The following CYP2E1 variants were observed in gnomAD, a reference collection of about 807,000 sequenced individuals.
CYP2E1 encodes cytochrome P450 family 2 subfamily E member 1.
In CYP2E1, 31 loss-of-function variants were observed where a neutral mutation model predicts 42.9. That is an observed-to-expected ratio of 0.72 (90% CI 0.54 to 0.98). The LOEUF is 0.98. CYP2E1 is among the 50% of genes least tolerant of loss of function. The probability of loss-of-function intolerance (pLI) is 0.00; values close to 1 mark genes in which losing one functional copy is unlikely to be tolerated. For synonymous variants in CYP2E1, 244 were observed against 248.9 expected (o/e 0.98, Z 0.19); for missense variants, 565 against 633.2 (o/e 0.89, Z 1.16).
At chr10:133,531,994 CTA>C in intron 3 of CYP2E1, 128 bp from the exon 4 acceptor site, 1 of 905,180 alleles carries the variant, frequency 1.1e-6, no homozygotes, top group Non-Finnish European at 1.7e-6. Context: ...CAGACATTCA[CTA>C]TCTTTCGTAA....
Position 133,538,356 on chromosome 10 carries a change from G to T in CYP2E1, c.1298-424G>T, listed in dbSNP as rs529298091. ...TTGAGGCACTTGTCCTCCTTCCCAG[G>T]GCCTCATCTTAGGGATTGTTGTGGG... On this transcript the variant is annotated intron_variant, in intron 8 of 8. Transcript: ENST00000252945. Among the ~76,000 whole-genome samples, 5 of 152,140 alleles carry T rather than the reference G, an allele frequency of 3.3e-5. No individual in the cohort carries two copies. In the South Asian group the frequency reaches 1.0e-3, roughly 32 times the overall value.
rs918509119 is a variant in CYP2E1, at chr10:133,527,632, G to T, written c.177+60G>T. The T allele has an allele frequency of 2.3e-5, 31 of 1,360,304 alleles. No homozygotes were observed. In the African/African-American group the frequency reaches 4.0e-4, roughly 18 times the overall value. 84.3% of individuals were successfully genotyped at this position (1,360,304 alleles called of 1,614,324 possible). ...CTCAGCAATTGGATCTGGTATGTGTGTATTCAACTCATTTGCAGACAAATT... is the reference window on the plus strand; with the variant it reads ...CTCAGCAATTGGATCTGGTATGTGTTTATTCAACTCATTTGCAGACAAATT... On this transcript the variant is annotated intron_variant, in intron 1 of 8. Coordinates refer to ENST00000252945, the MANE Select transcript of CYP2E1 (RefSeq NM_000773.4).
chr10:133,532,752 A>C lies in CYP2E1; in HGVS notation c.709A>C (p.Lys237Gln). Residue 237 changes from lysine (K) to glutamine (Q), a missense_variant, in exon 5 of 9, where the codon AAA (lysine) becomes CAA (glutamine). Physicochemically the swap from Lys to Gln is moderately conservative, Grantham distance 53. Coordinates refer to ENST00000252945, the MANE Select transcript of CYP2E1 (RefSeq NM_000773.4). ...GCCTGGAAGCCACAGAAAAGTCATAAAAAATGTGGCTGAAGTAAAAGAGTA... is the reference window on the plus strand; with the variant it reads ...GCCTGGAAGCCACAGAAAAGTCATACAAAATGTGGCTGAAGTAAAAGAGTA... ...YLPGSHRKVIKNVAEVKEYVS... is the reference protein window; with the variant it reads ...YLPGSHRKVIQNVAEVKEYVS... The C allele has an allele frequency of 3.7e-6, 6 of 1,613,494 alleles. No individual in the cohort carries two copies. In the South Asian group the frequency reaches 5.5e-5, roughly 15 times the overall value.
chr10:133,528,670 G>A, intron 2 of CYP2E1, 30 bp downstream of exon 2: 1 of 1,611,730 alleles, frequency 6.2e-7, no homozygotes, highest in Non-Finnish European at 8.5e-7. Context: ...ACGGAGCGGG[G>A]GGTGCATAAC....
In CYP2E1 at chr10:133,532,607, C is replaced by T. The variant is rs1320756258; in HGVS notation, c.649-85C>T. ...TAAACAATGATTACAGCCACAAATTCAGGTTTGGAGAAAGTTGTTGGTCCA... is the reference window on the plus strand; with the variant it reads ...TAAACAATGATTACAGCCACAAATTTAGGTTTGGAGAAAGTTGTTGGTCCA... On this transcript the variant is annotated intron_variant, in intron 4 of 8. Coordinates refer to ENST00000252945, the MANE Select transcript of CYP2E1 (RefSeq NM_000773.4). 3 of 1,214,242 alleles carry T rather than the reference C, an allele frequency of 2.5e-6. No homozygotes were observed. The African/African-American group carries it at 4.6e-5, about 18-fold the overall frequency. The allele number at this position is 1,214,242 out of a possible 1,614,324, so 75.2% of individuals were successfully genotyped here.
intron 1 of CYP2E1, 32 bp from the exon 2 acceptor site, chr10:133,528,449 C>G: frequency 6.2e-7 from 1 of 1,607,808 alleles, no homozygotes; most frequent in South Asian, 1.1e-5. Flanking sequence ...CGCCGCGCGG[C>G]GGGCCTGACT....
chr10:133,532,238 A>T lies in CYP2E1; in HGVS notation c.602A>T (p.Tyr201Phe). The change falls in exon 4 of 9, where the codon TAT (tyrosine) becomes TTT (phenylalanine). Residue 201 changes from tyrosine (Y) to phenylalanine (F), a missense_variant. Physicochemically the swap from Tyr to Phe is conservative, Grantham distance 22. Coordinates refer to ENST00000252945, the MANE Select transcript of CYP2E1 (RefSeq NM_000773.4). ...YNDEKFLRLM[Y>F]LFNENFHLLS... ...GATGAGAAGTTTCTAAGGCTGATGTATTTGTTTAATGAGAACTTCCACCTA... is the reference window on the plus strand; with the variant it reads ...GATGAGAAGTTTCTAAGGCTGATGTTTTTGTTTAATGAGAACTTCCACCTA... 1 of 1,613,924 alleles carries T rather than the reference A, an allele frequency of 6.2e-7. No homozygotes were observed. The highest frequency in any genetic ancestry group is 1.1e-5 in the South Asian group (1 of 91,068).
intron 6 of CYP2E1, among the ~76,000 whole-genome samples, chr10:133,534,769 T>C (rs1851377798): frequency 6.6e-6 from 1 of 152,182 alleles, no homozygotes; most frequent in African/African-American, 2.4e-5. Flanking sequence ...TTATAGGCTA[T>C]GAAGTTATTT....
intron 7 of CYP2E1, 28 bp downstream of exon 7, chr10:133,537,278 C>A: frequency 5.6e-6 from 9 of 1,602,426 alleles, no homozygotes; most frequent in Non-Finnish European, 7.7e-6. Context: ...CAGCACACAG[C>A]ATGAACACCA....
At position 133,537,133 on chromosome 10, in the gene CYP2E1, G is replaced by T. The variant is rs947057503; in HGVS notation, c.1038G>T (p.Glu346Asp). The part of the protein sequence containing the change: ...SRIPAIKDRQ[E>D]MPYMDAVVHE... Reference sequence around the variant, plus strand: ...TCCCTGCCATCAAGGATAGGCAAGAGATGCCCTACATGGATGCTGTGGTGC... The same window carrying T: ...TCCCTGCCATCAAGGATAGGCAAGATATGCCCTACATGGATGCTGTGGTGC... The change falls in exon 7 of 9, where the codon GAG becomes GAT. Residue 346 changes from glutamate to aspartate, a missense_variant. Coordinates refer to ENST00000252945, the MANE Select transcript of CYP2E1 (RefSeq NM_000773.4). 34 of 1,614,104 alleles carry T rather than the reference G, an allele frequency of 2.1e-5. No individual in the cohort carries two copies. Among genetic ancestry groups the T allele is most frequent in the Non-Finnish European group, 2.7e-5 (32 of 1,179,990 alleles).
chr10:133,531,543 A>G (rs911556131), intron 2 of CYP2E1, 42 bp from the exon 3 acceptor site: 3 of 1,611,776 alleles, frequency 1.9e-6, no homozygotes, highest in East Asian at 2.2e-5. Flanking sequence ...TCTCCCCAAA[A>G]TGGGTATTTA....
At position 133,527,477 on chromosome 10, in the gene CYP2E1, A is replaced by G. The variant is rs775675704; in HGVS notation, c.82A>G (p.Ser28Gly). Residue 28 changes from serine (S) to glycine (G), a missense_variant, in exon 1 of 9, where the codon AGC becomes GGC. By Grantham distance (56) the Ser-to-Gly change is moderately conservative (BLOSUM62 0). Coordinates refer to ENST00000252945, the MANE Select transcript of CYP2E1 (RefSeq NM_000773.4). ...GGTGTCCATGTGGAGGCAGGTGCAC[A>G]GCAGCTGGAATCTGCCCCCAGGCCC... ...LLVSMWRQVHSSWNLPPGPFP... is the reference protein window; with the variant it reads ...LLVSMWRQVHGSWNLPPGPFP... 41 of 1,613,750 alleles carry G rather than the reference A, an allele frequency of 2.5e-5. No homozygotes were observed. Among genetic ancestry groups the G allele is most frequent in the Non-Finnish European group, 3.3e-5 (39 of 1,179,994 alleles).
chr10:133,538,031 A>G (rs1245453148), intron 8 of CYP2E1, 139 bp downstream of exon 8: 4 of 731,500 alleles, frequency 5.5e-6, no homozygotes, highest in African/African-American at 5.2e-5. Context: ...TATTGACAAC[A>G]TGACCCAAAT....
In CYP2E1 at chr10:133,528,627, G is replaced by GGT; in HGVS notation, c.324_325insGT (p.His109ValfsTer23). Reference sequence around the variant, plus strand: ...GAGGCGACCTCCCCGCGTTCCATGCGCACAGGGACAGGGGTGAGTCCGCGT... The same window carrying GGT: ...GAGGCGACCTCCCCGCGTTCCATGCGGTCACAGGGACAGGGGTGAGTCCGCGT... On this transcript the variant is annotated frameshift_variant, in exon 2 of 9. Coordinates refer to ENST00000252945, the MANE Select transcript of CYP2E1 (RefSeq NM_000773.4). LOFTEE classifies it high-confidence loss of function. The GGT allele has an allele frequency of 6.2e-7, 1 of 1,613,250 alleles. No homozygotes were observed. Among genetic ancestry groups the GGT allele is most frequent in the Non-Finnish European group, 8.5e-7 (1 of 1,179,978 alleles).
intron 6 of CYP2E1, among the ~76,000 whole-genome samples, chr10:133,534,768 A>C (rs1317746226): frequency 6.6e-6 from 1 of 152,152 alleles, no homozygotes; most frequent in Non-Finnish European, 1.5e-5. Context: ...ATTATAGGCT[A>C]TGAAGTTATT....
intron 2 of CYP2E1, among the ~76,000 whole-genome samples, chr10:133,529,199 C>G (rs1007534065): frequency 3.3e-5 from 5 of 152,218 alleles, no homozygotes; most frequent in Non-Finnish European, 7.3e-5. Context: ...GCTGTCTCCT[C>G]CACGCTTCCT....
intron 5 of CYP2E1, 21 bp from the exon 6 acceptor site, chr10:133,533,735 G>A (rs1224755868): frequency 7.4e-6 from 12 of 1,612,368 alleles, no homozygotes; most frequent in African/African-American, 1.3e-5. Flanking sequence ...CTTCTCCTCC[G>A]GTCTGTCTCC....
chr10:133,537,795 C>T lies in CYP2E1; in HGVS notation c.1200C>T (p.Asn400=), dbSNP rs1312472743. 6.2e-7 allele frequency: 1 copy of T among 1,613,672 alleles called. No homozygotes were observed. Among genetic ancestry groups the T allele is most frequent in the African/African-American group, 1.3e-5 (1 of 74,890 alleles). The change falls in exon 8 of 9, where the codon AAC becomes AAT. Residue 400 remains asparagine, a synonymous_variant. Coordinates refer to ENST00000252945, the MANE Select transcript of CYP2E1 (RefSeq NM_000773.4). ...CTCTGGACTCTGTTTTGTATGACAA[C>T]CAAGAATTTCCTGATCCAGAAAAGT... ...VPTLDSVLYD[N]QEFPDPEKFK... is the part of the protein sequence containing the mutation.
intron 1 of CYP2E1, 29 bp from the exon 2 acceptor site, chr10:133,528,452 G>A (rs1489496380): frequency 1.2e-6 from 2 of 1,609,676 alleles, no homozygotes; most frequent in Middle Eastern, 1.8e-4. Flanking sequence ...CGCGCGGCGG[G>A]CCTGACTTCT....
Sources: allele counts gnomAD v4.1 joint callset (sites outside exome capture counted in the v4.1 genomes callset), GRCh38; gene constraint gnomAD v4.1.1; transcripts MANE v1.5; gene names NCBI Gene and HGNC (gene_info 2026-07-23, HGNC 2026-07-21).